NAALADL2: variants seen among roughly 807,000 people sequenced by gnomAD.
The protein encoded by NAALADL2 is inactive N-acetylated-alpha-linked acidic dipeptidase-like protein 2.
In NAALADL2, 76 loss-of-function variants were observed where a neutral mutation model predicts 87.2. The ratio of observed to expected loss-of-function variants is 0.87; its 90% confidence interval spans 0.72 to 1.05. The LOEUF (loss-of-function observed/expected upper bound fraction) is 1.05. Among genes scored for constraint, NAALADL2 ranks in the 50% least tolerant of loss-of-function variants. The probability of loss-of-function intolerance (pLI) is 0.00; values close to 1 mark genes in which losing one functional copy is unlikely to be tolerated. For synonymous variants in NAALADL2, 354 were observed against 331.0 expected, an observed-to-expected ratio of 1.07 and a Z score of -0.75; for missense variants, 1,089 against 945.8, an observed-to-expected ratio of 1.15 and a Z score of -1.99.
At chr3:174,986,114 A>T (rs9862818) in intron 1 of NAALADL2, among the ~76,000 whole-genome samples, 1 of 151,752 alleles carries the variant, frequency 6.6e-6, no homozygotes, top group African/African-American at 2.4e-5. Flanking sequence ...AAATCTTAGC[A>T]GGTTATATAT....
At chr3:174,990,779 C>T (rs1185502526) in intron 1 of NAALADL2, among the ~76,000 whole-genome samples, 1 of 152,136 alleles carries the variant, frequency 6.6e-6, no homozygotes, top group African/African-American at 2.4e-5. Context: ...AAAAACAATA[C>T]TGATGGCTGG....
chr3:175,522,906 A>G (rs993729739), intron 9 of NAALADL2, among the ~76,000 whole-genome samples: 1 of 152,238 alleles, frequency 6.6e-6, no homozygotes, highest in Non-Finnish European at 1.5e-5. Flanking sequence ...CCAACTGTAT[A>G]TAAGGTTCAA....
intron 3 of NAALADL2, among the ~76,000 whole-genome samples, chr3:175,252,125 T>C (rs1749167892): frequency 1.3e-5 from 2 of 152,234 alleles, no homozygotes; most frequent in African/African-American, 4.8e-5. Flanking sequence ...CTTTCTGTTA[T>C]ACAGGCATAT....
chr3:175,742,940 G>A (rs1254022813), intron 12 of NAALADL2, among the ~76,000 whole-genome samples: 1 of 152,066 alleles, frequency 6.6e-6, no homozygotes, highest in East Asian at 1.9e-4. Flanking sequence ...TGTAGGGAGG[G>A]TATCTCTGGA....
rs148667643 is a variant in NAALADL2 at position 175,107,845 on chromosome 3, C to T, written c.545+10554C>T. 3.8e-4 allele frequency among the ~76,000 whole-genome samples: 57 copies of T among 151,690 alleles called. No homozygotes were observed. The East Asian group carries it at 0.01, about 27-fold the overall frequency. On this transcript the variant is annotated intron_variant, in intron 2 of 13. Transcript: ENST00000454872. ...TCTAACAAATACTTCAAATATATTA[C>T]TAAAAATGCTTAATCATTTTCTTCA...
intron 5 of NAALADL2, among the ~76,000 whole-genome samples, chr3:175,348,504 C>T (rs1404442252): frequency 6.6e-6 from 1 of 152,112 alleles, no homozygotes; most frequent in African/African-American, 2.4e-5. Context: ...GGTTACATGT[C>T]CAAAATCAAG....
intron 10 of NAALADL2, among the ~76,000 whole-genome samples, chr3:175,604,379 C>T (rs1208816278): frequency 6.8e-6 from 1 of 146,166 alleles, no homozygotes; most frequent in East Asian, 2.1e-4. Flanking sequence ...TCTCCGCTCA[C>T]TGCAAGCTCC....
chr3:175,755,541 C>T (rs1406735861), intron 13 of NAALADL2, 123 bp downstream of exon 13: 2 of 633,606 alleles, frequency 3.2e-6, no homozygotes, highest in South Asian at 4.2e-5. Flanking sequence ...AGCAGTTACT[C>T]ATTTGAGGAA....
intron 11 of NAALADL2, among the ~76,000 whole-genome samples, chr3:175,661,840 C>T (rs997565690): frequency 3.3e-5 from 5 of 151,892 alleles, no homozygotes; most frequent in Admixed American, 6.6e-5. Context: ...TATGCTGTTC[C>T]ATTGGTCTGT....
At chr3:175,776,697 C>G (rs1750289413) in intron 13 of NAALADL2, among the ~76,000 whole-genome samples, 1 of 152,080 alleles carries the variant, frequency 6.6e-6, no homozygotes, top group Admixed American at 6.6e-5. Flanking sequence ...TGTAGAAAGT[C>G]TGTCAATGAT....
intron 3 of NAALADL2, among the ~76,000 whole-genome samples, chr3:174,851,670 G>A (rs947883597): frequency 7.9e-5 from 12 of 151,928 alleles, no homozygotes; most frequent in Non-Finnish European, 1.8e-4. Context: ...TGCTTCACTG[G>A]AGAATCCTAC....
chr3:174,922,894 T>A (rs1358673076), intron 1 of NAALADL2, among the ~76,000 whole-genome samples: 1 of 152,216 alleles, frequency 6.6e-6, no homozygotes, highest in African/African-American at 2.4e-5. Flanking sequence ...TTTTTGCTGG[T>A]GGTATTAACC....
intron 2 of NAALADL2, among the ~76,000 whole-genome samples, chr3:174,702,244 T>A (rs1334545328): frequency 6.6e-6 from 1 of 152,176 alleles, no homozygotes; most frequent in East Asian, 1.9e-4. Flanking sequence ...GTTCAAATAA[T>A]TTTTTTGTTG....
At chr3:175,570,425 T>C (rs994634502) in intron 9 of NAALADL2, among the ~76,000 whole-genome samples, 6 of 152,186 alleles carry the variant, frequency 3.9e-5, no homozygotes, top group African/African-American at 1.4e-4. Context: ...CACTTAAAAT[T>C]AACCATCACA....
intron 2 of NAALADL2, among the ~76,000 whole-genome samples, chr3:174,682,244 G>C (rs566527737): frequency 6.6e-6 from 1 of 152,302 alleles, no homozygotes; most frequent in African/African-American, 2.4e-5. Context: ...GCAGTAGATA[G>C]AACATGAGGG....
At chr3:174,545,999 G>GT (rs886068230) in intron 1 of NAALADL2, among the ~76,000 whole-genome samples, 16 of 149,040 alleles carry the variant, frequency 1.1e-4, no homozygotes, top group East Asian at 9.9e-4. Flanking sequence ...TTTTCTGCTT[G>GT]TTTTTTTTGG....
At chr3:175,325,222 T>C (rs1168426135) in intron 5 of NAALADL2, among the ~76,000 whole-genome samples, 1 of 152,244 alleles carries the variant, frequency 6.6e-6, no homozygotes, top group African/African-American at 2.4e-5. Flanking sequence ...GCCTATTCTA[T>C]GTTAACTTTA....
chr3:175,692,715 C>A (rs114603552), intron 11 of NAALADL2, among the ~76,000 whole-genome samples: 4,520 of 152,178 alleles, frequency 0.03, 227 homozygotes, highest in African/African-American at 0.1. Flanking sequence ...CAGCTGAGAA[C>A]TTGAAGATAA....
intron 9 of NAALADL2, among the ~76,000 whole-genome samples, chr3:175,496,786 T>C (rs751697931): frequency 1.3e-5 from 2 of 151,976 alleles, no homozygotes; most frequent in Non-Finnish European, 2.9e-5. Context: ...TCTTGAACTC[T>C]TGGGCTCAAG....
Sources: gnomAD v4.1 joint callset for allele counts (sites outside exome capture counted in the v4.1 genomes callset) on GRCh38, gnomAD v4.1.1 for gene constraint, MANE v1.5 for transcripts, NCBI Gene and HGNC (gene_info 2026-07-23, HGNC 2026-07-21) for gene names.